The following EFHD1 variants were observed in gnomAD, a reference collection of about 807,000 sequenced individuals.
The protein encoded by EFHD1 is EF-hand domain family member D1.
EFHD1 carries 10 observed loss-of-function variants against 17.2 expected under a neutral mutation model. The ratio of observed to expected loss-of-function variants is 0.58; its 90% CI spans 0.36 to 0.99. The LOEUF is 0.99. Ranked by LOEUF, EFHD1 falls within the 50% of genes least tolerant of loss-of-function variation. The pLI is 0.01. For missense variants in EFHD1, 310 were observed against 327.5 expected (o/e 0.95, Z 0.41); for synonymous variants, 153 against 142.0 (o/e 1.08, Z -0.55).
At chr2:232,673,012 C>T (rs965887234) in intron 3 of EFHD1, among the ~76,000 whole-genome samples, 1 of 152,238 alleles carries the variant, frequency 6.6e-6, no homozygotes, top group Non-Finnish European at 1.5e-5. Context: ...GCGCCTTAAA[C>T]ACTGGCACCA....
intron 1 of EFHD1, among the ~76,000 whole-genome samples, chr2:232,615,996 C>T (rs772473374): frequency 9.2e-5 from 14 of 152,068 alleles, no homozygotes; most frequent in Non-Finnish European, 1.9e-4. Context: ...CCCTAAAATA[C>T]ATTTTTATTG....
At chr2:232,657,964 G>C (rs1398543131) in intron 1 of EFHD1, among the ~76,000 whole-genome samples, 1 of 136,244 alleles carries the variant, frequency 7.3e-6, no homozygotes, top group East Asian at 2.2e-4. Flanking sequence ...GCAGTGGTGC[G>C]ATCTCGGCTC....
chr2:232,644,076 T>TC (rs1325087426), intron 1 of EFHD1, among the ~76,000 whole-genome samples: 1 of 152,132 alleles, frequency 6.6e-6, no homozygotes, highest in African/African-American at 2.4e-5. Flanking sequence ...GCTGTCTGTG[T>TC]CGACCGCTCC....
At position 232,675,557 on chromosome 2, in the gene EFHD1, G is replaced by A. The variant is rs180962759; in HGVS notation, c.585+3114G>A. ...TTCTCCAAGGTGGGTTTCAGGAAAC[G>A]TGTAGTCGATGGAGCTGTGACATGA... On this transcript the variant is annotated intron_variant, in intron 3 of 3. Coordinates refer to ENST00000264059, the MANE Select transcript of EFHD1 (RefSeq NM_025202.4). Among the ~76,000 whole-genome samples, 51 of 152,320 alleles carry A rather than the reference G, an allele frequency of 3.3e-4. 1 individual carries two copies. In the East Asian group the frequency reaches 6.4e-3, roughly 19 times the overall value.
intron 3 of EFHD1, among the ~76,000 whole-genome samples, chr2:232,678,706 C>G (rs1026155609): frequency 3.9e-5 from 6 of 152,168 alleles, no homozygotes; most frequent in Admixed American, 6.6e-5. Context: ...TTGCTTGAAC[C>G]TGGGAGGCGG....
chr2:232,608,385 G>A (rs572484565), intron 1 of EFHD1, among the ~76,000 whole-genome samples: 1 of 152,022 alleles, frequency 6.6e-6, no homozygotes, highest in African/African-American at 2.4e-5. Flanking sequence ...AAATGAATTG[G>A]TGTAGTATTT....
At chr2:232,622,763 T>C (rs12694909) in intron 1 of EFHD1, among the ~76,000 whole-genome samples, 35,421 of 151,942 alleles carry the variant, frequency 0.23, 4,651 homozygotes, top group East Asian at 0.58. Flanking sequence ...TTCCACGAGG[T>C]TGCCACCAGC....
At chr2:232,606,480 G>A in intron 1 of EFHD1, 1 of 515,408 alleles carries the variant, frequency 1.9e-6, no homozygotes, top group Non-Finnish European at 3.6e-6. Context: ...CAGTGAATGA[G>A]GAAGGTTTCT....
rs777203756 is a variant in EFHD1, at chr2:232,606,194, C to T, written c.14+21C>T. ...TTGCAGTAAGTGCTCTTTAAATCCC[C>T]TTTCACCCTTGAGAGTCTACGATTT... On this transcript the variant is annotated intron_variant, in intron 1 of 3. Coordinates refer to the EFHD1 transcript ENST00000409613. 6.5e-6 allele frequency: 10 copies of T among 1,548,270 alleles called. No individual in the cohort carries two copies. The African/African-American group carries it at 1.4e-4, about 21-fold the overall frequency.
chr2:232,673,492 G>C (rs1695115916), intron 3 of EFHD1, among the ~76,000 whole-genome samples: 1 of 152,116 alleles, frequency 6.6e-6, no homozygotes, highest in Non-Finnish European at 1.5e-5. Flanking sequence ...CCCTGCAAAT[G>C]CTGCCACGCC....
At chr2:232,607,391 C>T (rs566923621) in intron 1 of EFHD1, among the ~76,000 whole-genome samples, 13 of 150,744 alleles carry the variant, frequency 8.6e-5, no homozygotes, top group South Asian at 4.2e-4. Flanking sequence ...AGTTCAAGAC[C>T]AGCCTGGCCA....
At chr2:232,670,522 T>G (rs1479588891) in intron 2 of EFHD1, among the ~76,000 whole-genome samples, 1 of 152,184 alleles carries the variant, frequency 6.6e-6, no homozygotes, top group Admixed American at 6.5e-5. Flanking sequence ...AGGTCACATT[T>G]TGAATCTGGA....
intron 1 of EFHD1, among the ~76,000 whole-genome samples, chr2:232,607,482 T>A (rs1693739744): frequency 6.7e-6 from 1 of 148,802 alleles, no homozygotes; most frequent in Non-Finnish European, 1.5e-5. Flanking sequence ...TTACCCCAGA[T>A]ACTCGGGAGG....
intron 1 of EFHD1, chr2:232,638,553 G>A (rs1211978338): frequency 4.5e-6 from 2 of 445,138 alleles, no homozygotes; most frequent in Non-Finnish European, 9.2e-6. Context: ...CTCCTCCTTA[G>A]TCTTGTCTCT....
At chr2:232,648,607 G>C (rs1694577228) in intron 1 of EFHD1, among the ~76,000 whole-genome samples, 1 of 152,086 alleles carries the variant, frequency 6.6e-6, no homozygotes, top group African/African-American at 2.4e-5. Context: ...CCCCAGGAGG[G>C]CCCCTGGGAA....
chr2:232,619,312 CT>C (rs113872019), intron 1 of EFHD1, among the ~76,000 whole-genome samples: 81 of 38,114 alleles, frequency 2.1e-3, no homozygotes, highest in Admixed American at 2.9e-3. Context: ...TTCTTTCTTT[CT>C]TTTTTTTTTT....
intron 1 of EFHD1, among the ~76,000 whole-genome samples, chr2:232,635,516 G>C (rs1694302462): frequency 6.6e-6 from 1 of 152,142 alleles, no homozygotes; most frequent in Admixed American, 6.6e-5. Context: ...ACAGGTACTG[G>C]ACCAGGATCA....
At chr2:232,681,403 G>A (rs1350990086) in intron 3 of EFHD1, among the ~76,000 whole-genome samples, 182 bp from the exon 4 acceptor site, 1 of 152,210 alleles carries the variant, frequency 6.6e-6, no homozygotes, top group Non-Finnish European at 1.5e-5. Flanking sequence ...TGGTGTCTGC[G>A]CCAACAGAAA....
chr2:232,616,633 T>C (rs1314432019), intron 1 of EFHD1, among the ~76,000 whole-genome samples: 1 of 152,094 alleles, frequency 6.6e-6, no homozygotes, highest in Admixed American at 6.5e-5. Flanking sequence ...TCTAAAGTAG[T>C]CAAATTCAGA....
Sources: allele counts gnomAD v4.1 joint callset (sites outside exome capture counted in the v4.1 genomes callset), GRCh38; gene constraint gnomAD v4.1.1; transcripts MANE v1.5; gene names NCBI Gene and HGNC (gene_info 2026-07-23, HGNC 2026-07-21).